NADSYN1: variants seen among roughly 807,000 people sequenced by gnomAD.
The protein encoded by NADSYN1 is glutamine-dependent NAD(+) synthetase.
In NADSYN1, 80 loss-of-function variants were observed where a neutral mutation model predicts 99.3. The ratio of observed to expected loss-of-function variants is 0.81; its 90% confidence interval spans 0.67 to 0.97. NADSYN1 has a LOEUF of 0.97. Among genes scored for constraint, NADSYN1 ranks in the 50% least tolerant of loss-of-function variants. NADSYN1 has a pLI of 0.00. For synonymous variants in NADSYN1, 385 were observed against 372.1 expected, an observed-to-expected ratio of 1.03 and a Z score of -0.40; for missense variants, 859 against 948.5, an observed-to-expected ratio of 0.91 and a Z score of 1.24.
Position 71,455,125 on chromosome 11 carries a change from A to G in NADSYN1, c.101A>G (p.Lys34Arg), listed in dbSNP as rs1249663030. 6 of 1,613,952 alleles carry G rather than the reference A, an allele frequency of 3.7e-6. No individual in the cohort carries two copies. Among genetic ancestry groups the G allele is most frequent in the East Asian group, 2.2e-5 (1 of 44,894 alleles). The stretch of plus-strand genomic sequence containing the variant: ...GTACTTACAGGTATTGAAATTGCCA[A>G]AAACAGAGGAGCAAGATACAGGCTT... ...QRILKSIEIA[K>R]NRGARYRLGP... is the part of the protein sequence containing the mutation. The change falls in exon 2 of 21, where the codon AAA becomes AGA. Residue 34 changes from lysine to arginine, a missense_variant. Physicochemically the swap from Lys to Arg is conservative, Grantham distance 26. Transcript: ENST00000319023.
chr11:71,489,308 G>C (rs1179006191), intron 16 of NADSYN1, among the ~76,000 whole-genome samples: 2 of 152,152 alleles, frequency 1.3e-5, no homozygotes, highest in African/African-American at 4.8e-5. Flanking sequence ...CAGTCCGCCA[G>C]TTCAGTCTTG....
chr11:71,454,565 A>C (rs566781237), intron 1 of NADSYN1, among the ~76,000 whole-genome samples: 2 of 141,088 alleles, frequency 1.4e-5, no homozygotes, highest in East Asian at 4.0e-4. Flanking sequence ...ATTTGCTCAG[A>C]GCAAATCTAG....
chr11:71,482,001 G>A lies in NADSYN1; in HGVS notation c.1126G>A (p.Val376Ile). The A allele has an allele frequency of 6.2e-7, 1 of 1,612,352 alleles. No individual in the cohort carries two copies. The change falls in exon 13 of 21, where the codon GTC (valine) becomes ATC (isoleucine). Residue 376 changes from valine to isoleucine, a missense_variant. Physicochemically the swap from Val to Ile is conservative, Grantham distance 29. Transcript: ENST00000319023. ...ACLIYSMCCQVCEAVRSGNEE... is the reference protein window; with the variant it reads ...ACLIYSMCCQICEAVRSGNEE... The stretch of plus-strand genomic sequence containing the variant: ...CCTCATCTACTCCATGTGCTGCCAG[G>A]TCTGCGAGGCCGTGAGGAGTGGAAG...
chr11:71,494,487 T>A (rs1391151825), intron 18 of NADSYN1, among the ~76,000 whole-genome samples: 2 of 152,192 alleles, frequency 1.3e-5, no homozygotes, highest in Non-Finnish European at 2.9e-5. Flanking sequence ...TCAGAACGTA[T>A]CCCTGTCATT....
At chr11:71,482,611 A>G (rs10751102) in intron 13 of NADSYN1, 251,997 of 287,654 alleles carry the variant, frequency 0.88, 112,423 homozygotes, top group Non-Finnish European at 0.94. Flanking sequence ...GGGTGGAGTC[A>G]CACGGGCACC....
At chr11:71,487,654 AC>A in intron 16 of NADSYN1, among the ~76,000 whole-genome samples, 1 of 151,712 alleles carries the variant, frequency 6.6e-6, no homozygotes, top group African/African-American at 2.4e-5. Context: ...ACACGGTGAA[AC>A]CCTGTCTCTA....
Position 71,455,008 on chromosome 11 carries a change from G to T in NADSYN1, c.86-102G>T, listed in dbSNP as rs540919227. 367 of 723,326 alleles carry T rather than the reference G, an allele frequency of 5.1e-4. 1 individual carries two copies. In the South Asian group the frequency reaches 7.0e-3, roughly 14 times the overall value. 44.8% of individuals were successfully genotyped at this position (723,326 alleles called of 1,614,324 possible). A position where few individuals can be genotyped will look rare whatever the true frequency, so the allele number is the denominator to read the frequency against. ...CACAGAGCATTTTTGTTTGTTGTTT[G>T]TTTTTTTTTTTATCCTACCTACTGC... On this transcript the variant is annotated intron_variant, in intron 1 of 20. Transcript: ENST00000319023.
At chr11:71,485,694 C>G (rs1041383202) in intron 16 of NADSYN1, 46 bp downstream of exon 16, 3 of 1,408,348 alleles carry the variant, frequency 2.1e-6, no homozygotes, top group Non-Finnish European at 2.9e-6. Context: ...CTGAACCTCT[C>G]AGGTCTCTGA....
chr11:71,476,569 G>C, intron 9 of NADSYN1: 1 of 770,490 alleles, frequency 1.3e-6, no homozygotes, highest in Admixed American at 6.0e-5. Context: ...GGGCAGGCAA[G>C]GGTGTGGCCG....
chr11:71,455,493 T>C (rs180952509), intron 2 of NADSYN1: 1 of 322,268 alleles, frequency 3.1e-6, no homozygotes, highest in East Asian at 6.0e-5. Context: ...ATTCATATGT[T>C]GAAACCTAAC....
At chr11:71,481,645 T>C in intron 12 of NADSYN1, 1 of 604,736 alleles carries the variant, frequency 1.7e-6, no homozygotes, top group Non-Finnish European at 2.9e-6. Flanking sequence ...GCATTCAGGG[T>C]CACGCTCACC....
Position 71,483,246 on chromosome 11 carries a change from A to T in NADSYN1, c.1319+229A>T, listed in dbSNP as rs533047385. 2.5e-4 allele frequency among the ~76,000 whole-genome samples: 38 copies of T among 152,210 alleles called. No homozygotes were observed. The South Asian group carries it at 6.0e-3, about 24-fold the overall frequency. On this transcript the variant is annotated intron_variant, in intron 14 of 20. Coordinates refer to ENST00000319023, the MANE Select transcript of NADSYN1 (RefSeq NM_018161.5). ...GTCATCAGCAATTGCTTAAATGTGC[A>T]CCTAGGAGCTTATCAGGGCTCCACT...
chr11:71,472,745 T>C (rs1011960159), intron 6 of NADSYN1, among the ~76,000 whole-genome samples: 4 of 152,192 alleles, frequency 2.6e-5, no homozygotes, highest in African/African-American at 9.7e-5. Context: ...TCACACTGGC[T>C]TCCTCCTCTT....
chr11:71,455,847 A>G (rs1328833299), intron 2 of NADSYN1, among the ~76,000 whole-genome samples: 1 of 152,276 alleles, frequency 6.6e-6, no homozygotes. Context: ...TCTTTCCACA[A>G]GCAAGCATAG....
rs142495630 is a variant in NADSYN1, at chr11:71,483,121, G to A, written c.1319+104G>A. On this transcript the variant is annotated intron_variant, in intron 14 of 20. Transcript: ENST00000319023. ...ATTGGTGACTGGCTTCATTCATTCC[G>A]CATCGTGTCATCCACTATGTGGATA... 7.8e-5 allele frequency: 107 copies of A among 1,370,304 alleles called. 2 individuals are homozygous for A. Among genetic ancestry groups the A allele is most frequent in the South Asian group, 3.2e-4 (25 of 77,274 alleles). 84.9% of individuals were successfully genotyped at this position (1,370,304 alleles called of 1,614,324 possible).
At position 71,489,361 on chromosome 11, in the gene NADSYN1, G is replaced by A. The variant is rs888137095; in HGVS notation, c.1563-1484G>A. ...CTGCCTCAATTTTCCCCCTATAACC[G>A]TGCCTCCCCATCCCCATGGTCCCCA... On this transcript the variant is annotated intron_variant, in intron 16 of 20. Transcript: ENST00000319023. 2.6e-5 allele frequency among the ~76,000 whole-genome samples: 4 copies of A among 152,082 alleles called. No individual in the cohort carries two copies. In the South Asian group the frequency reaches 6.3e-4, roughly 24 times the overall value.
At chr11:71,471,935 TC>T (rs1362875899) in intron 5 of NADSYN1, among the ~76,000 whole-genome samples, 1 of 152,162 alleles carries the variant, frequency 6.6e-6, no homozygotes, top group Non-Finnish European at 1.5e-5. Context: ...TTTTGAAGAT[TC>T]CGCCTCTTGG....
intron 5 of NADSYN1, among the ~76,000 whole-genome samples, chr11:71,468,600 A>G (rs1022559816): frequency 1.3e-5 from 2 of 152,378 alleles, no homozygotes; most frequent in Non-Finnish European, 2.9e-5. Flanking sequence ...GAGTTCTTTA[A>G]AAGTCCAGTA....
At chr11:71,477,187 G>A (rs1284734533) in intron 9 of NADSYN1, 17 of 1,175,518 alleles carry the variant, frequency 1.4e-5, no homozygotes, top group Non-Finnish European at 1.7e-5. Flanking sequence ...TGGGCTTTCC[G>A]GCTTGTCGTG....
Sources: gnomAD v4.1 joint callset for allele counts (sites outside exome capture counted in the v4.1 genomes callset) on GRCh38, gnomAD v4.1.1 for gene constraint, MANE v1.5 for transcripts, NCBI Gene and HGNC (gene_info 2026-07-23, HGNC 2026-07-21) for gene names.